Variants in SLC15A5 observed in about 807,000 individuals in gnomAD.
SLC15A5 encodes solute carrier family 15 member 5.
In SLC15A5, 58 loss-of-function variants were observed where a neutral mutation model predicts 56.1. That is an observed-to-expected ratio of 1.03 (90% CI 0.84 to 1.29). The LOEUF is 1.29. Among genes scored for constraint, SLC15A5 ranks in the 50% most tolerant of loss-of-function variants. The pLI is 0.00. For synonymous variants in SLC15A5, 264 were observed against 250.5 expected (o/e 1.05, Z -0.51); for missense variants, 681 against 672.1 (o/e 1.01, Z -0.15).
At chr12:16,210,256 T>C (rs1264571262) in intron 7 of SLC15A5, among the ~76,000 whole-genome samples, 1 of 152,194 alleles carries the variant, frequency 6.6e-6, no homozygotes, top group Non-Finnish European at 1.5e-5. Flanking sequence ...CATGTGTCTC[T>C]AACTCTACCT....
At chr12:16,223,360 A>T (rs1489613822) in intron 6 of SLC15A5, among the ~76,000 whole-genome samples, 2 of 152,212 alleles carry the variant, frequency 1.3e-5, no homozygotes, top group African/African-American at 4.8e-5. Flanking sequence ...TTGAGTTACA[A>T]TCAGGACTCC....
At position 16,243,266 on chromosome 12, in the gene SLC15A5, A is replaced by G. The variant is rs1290394736; in HGVS notation, c.975+1314T>C. Reference sequence around the variant, plus strand: ...ATTCTTGTTTCCCAGGCTGGAGTACAATGGCATGATCTCTGCTCACCGCAA... The same window carrying G: ...ATTCTTGTTTCCCAGGCTGGAGTACGATGGCATGATCTCTGCTCACCGCAA... On this transcript the variant is annotated intron_variant, in intron 4 of 8. Transcript: ENST00000344941. This position sits in a 1 kb window ranked among gnomAD's most constrained non-coding sequence, Gnocchi z 4.4. 1.3e-5 allele frequency among the ~76,000 whole-genome samples: 2 copies of G among 150,636 alleles called. No homozygotes were observed. The highest frequency in any genetic ancestry group is 4.9e-5 in the African/African-American group (2 of 40,908).
At chr12:16,221,748 C>A (rs1864189780) in intron 6 of SLC15A5, among the ~76,000 whole-genome samples, 1 of 152,110 alleles carries the variant, frequency 6.6e-6, no homozygotes, top group Non-Finnish European at 1.5e-5. Context: ...AGTTCAGAGG[C>A]TCTGGTCGAA....
chr12:16,277,428 A>G lies in SLC15A5; in HGVS notation c.258T>C (p.Phe86=), dbSNP rs1864831530. 2.0e-6 allele frequency: 3 copies of G among 1,536,472 alleles called. No homozygotes were observed. The highest frequency in any genetic ancestry group is 2.4e-5 in the South Asian group (2 of 84,046). Residue 86 remains phenylalanine, a synonymous_variant, in exon 1 of 9, where the codon TTT becomes TTC. Transcript: ENST00000344941. ...CAGGGGTAAGTATTGAAGTTCCAAT[A>G]AAACACAAGTTTAAGATGGCTGCTT... ...NCQAAILNLC[F]IGTSILTPVF...
chr12:16,241,102 C>T lies in SLC15A5; in HGVS notation c.976-1235G>A, dbSNP rs1020484415. Among the ~76,000 whole-genome samples the T allele has an allele frequency of 5.3e-5, 8 of 152,226 alleles. No homozygotes were observed. In the East Asian group the frequency reaches 1.2e-3, roughly 22 times the overall value. On this transcript the variant is annotated intron_variant, in intron 4 of 8. Transcript: ENST00000344941. ...TGCTGGGATTACAGGTGTGAGCCACCGTGCCCGGCCCATCATGATCTTTAG... is the reference window on the plus strand; with the variant it reads ...TGCTGGGATTACAGGTGTGAGCCACTGTGCCCGGCCCATCATGATCTTTAG...
chr12:16,242,948 C>G (rs1236375163), intron 4 of SLC15A5, among the ~76,000 whole-genome samples: 1 of 152,082 alleles, frequency 6.6e-6, no homozygotes, highest in Admixed American at 6.5e-5. Context: ...GTGCCTACTG[C>G]TATTATAGAG....
chr12:16,247,998 T>C (rs1405507), intron 3 of SLC15A5, among the ~76,000 whole-genome samples: 68,456 of 151,578 alleles, frequency 0.45, 15,663 homozygotes, highest in South Asian at 0.62. Context: ...ATGAAGAGAA[T>C]AGGATGGTTT....
chr12:16,203,348 C>T (rs547889973), intron 7 of SLC15A5, among the ~76,000 whole-genome samples: 1 of 152,176 alleles, frequency 6.6e-6, no homozygotes, highest in East Asian at 1.9e-4. Context: ...TTCTCTGGAT[C>T]TTTCCAGAAC....
intron 6 of SLC15A5, among the ~76,000 whole-genome samples, chr12:16,221,220 A>G (rs969493734): frequency 1.1e-4 from 16 of 152,222 alleles, no homozygotes; most frequent in South Asian, 2.1e-4. Flanking sequence ...CTTTTCGGAA[A>G]GGAGAAACAT....
At chr12:16,194,213 A>G in intron 8 of SLC15A5, 132 bp downstream of exon 8, 2 of 514,710 alleles carry the variant, frequency 3.9e-6, no homozygotes, top group Non-Finnish European at 6.7e-6. Context: ...CTTACCCTGA[A>G]TAATCTGTTG....
At position 16,257,792 on chromosome 12, in the gene SLC15A5, G is replaced by A. The variant is rs759887133; in HGVS notation, c.663C>T (p.Ala221=). 1 of 1,530,486 alleles carries A rather than the reference G, an allele frequency of 6.5e-7. No individual in the cohort carries two copies. The allele number at this position is 1,530,486 out of a possible 1,614,324, so 94.8% of individuals were successfully genotyped here. The change falls in exon 3 of 9, where the codon GCC becomes GCT. Residue 221 remains alanine, a synonymous_variant. Coordinates refer to ENST00000344941, the MANE Select transcript of SLC15A5 (RefSeq NM_001170798.1). The stretch of plus-strand genomic sequence containing the variant: ...ACATAAAAGGAATAAGTAAAACAAG[G>A]GCCCAGGCCTGTGAGTGCTGGATGT... ...ISYIQHSQAW[A]LVLLIPFMSM... is the part of the protein sequence containing the mutation.
chr12:16,247,194 T>G (rs1200832878), intron 3 of SLC15A5, among the ~76,000 whole-genome samples: 3 of 152,152 alleles, frequency 2.0e-5, no homozygotes, highest in Non-Finnish European at 4.4e-5. Flanking sequence ...GAATATGTAC[T>G]TTGAAAAATG....
chr12:16,265,883 T>C (rs981212612), intron 2 of SLC15A5, among the ~76,000 whole-genome samples: 1 of 152,222 alleles, frequency 6.6e-6, no homozygotes, highest in African/African-American at 2.4e-5. Flanking sequence ...GATGATAAGA[T>C]TTTATTCTTT....
chr12:16,224,648 A>G, intron 5 of SLC15A5, 46 bp from the exon 6 acceptor site: 1 of 1,486,582 alleles, frequency 6.7e-7, no homozygotes, highest in Non-Finnish European at 9.0e-7. Context: ...ACGAAGAGCT[A>G]GAGATTCATG....
intron 7 of SLC15A5, among the ~76,000 whole-genome samples, chr12:16,204,085 A>T (rs1433365758): frequency 6.6e-6 from 1 of 152,200 alleles, no homozygotes; most frequent in African/African-American, 2.4e-5. Flanking sequence ...ATATACTTGG[A>T]TGGACCACTA....
chr12:16,212,012 CACAT>C (rs1864086250), intron 7 of SLC15A5, among the ~76,000 whole-genome samples: 1 of 152,168 alleles, frequency 6.6e-6, no homozygotes, highest in African/African-American at 2.4e-5. Context: ...CTCACACACT[CACAT>C]GCACACATGC....
At chr12:16,193,628 G>C (rs539766614) in intron 8 of SLC15A5, among the ~76,000 whole-genome samples, 1 of 152,064 alleles carries the variant, frequency 6.6e-6, no homozygotes, top group South Asian at 2.1e-4. Context: ...CTTAGTTTCT[G>C]CTTCGTGACA....
rs1247608847 is a variant in SLC15A5, at chr12:16,258,340, G to A, written c.585-470C>T. Among the ~76,000 whole-genome samples, 4 of 152,064 alleles carry A rather than the reference G, an allele frequency of 2.6e-5. No individual in the cohort carries two copies. The East Asian group carries it at 7.7e-4, about 29-fold the overall frequency. On this transcript the variant is annotated intron_variant, in intron 2 of 8. Transcript: ENST00000344941. The stretch of plus-strand genomic sequence containing the variant: ...AAAACACAAATACTCAGAAATATCT[G>A]GGTTATACTTAGAATAGCATGTAAC...
At chr12:16,221,802 G>A (rs1001844938) in intron 6 of SLC15A5, among the ~76,000 whole-genome samples, 21 of 152,080 alleles carry the variant, frequency 1.4e-4, no homozygotes, top group African/African-American at 5.1e-4. Flanking sequence ...AGAACAAAGG[G>A]GATAGTGAGA....
Sources: allele counts gnomAD v4.1 joint callset (sites outside exome capture counted in the v4.1 genomes callset), GRCh38; gene constraint gnomAD v4.1.1; non-coding constraint Gnocchi (gnomAD v3.1); transcripts MANE v1.5; gene names NCBI Gene and HGNC (gene_info 2026-07-23, HGNC 2026-07-21).